The following CACNA2D4 variants were observed in gnomAD, a reference collection of about 807,000 sequenced individuals.
CACNA2D4 encodes the protein calcium voltage-gated channel auxiliary subunit alpha2delta 4.
A neutral mutation model predicts 163.8 loss-of-function variants in CACNA2D4; 157 were observed. The ratio of observed to expected loss-of-function variants is 0.96; its 90% CI spans 0.84 to 1.09. The LOEUF (loss-of-function observed/expected upper bound fraction) is 1.09. Ranked by LOEUF, CACNA2D4 falls within the 50% of genes least tolerant of loss-of-function variation. The pLI, the probability that CACNA2D4 is intolerant of heterozygous loss-of-function variation, is 0.00. For synonymous variants in CACNA2D4, 598 were observed against 586.9 expected (o/e 1.02, Z -0.27); for missense variants, 1,410 against 1,479.9 (o/e 0.95, Z 0.78).
chr12:1,862,535 C>A (rs1416514570), intron 18 of CACNA2D4, among the ~76,000 whole-genome samples: 1 of 152,130 alleles, frequency 6.6e-6, no homozygotes, highest in Admixed American at 6.5e-5. Flanking sequence ...TGCCTTAGCC[C>A]TTGAGTAGCT....
chr12:1,871,450 TG>T (rs1249414664), intron 18 of CACNA2D4, among the ~76,000 whole-genome samples: 1 of 148,362 alleles, frequency 6.7e-6, no homozygotes, highest in East Asian at 2.0e-4. Flanking sequence ...TGTATGTTGC[TG>T]GTGTGTGTGT....
chr12:1,842,808 AGAG>A (rs1420465648), intron 25 of CACNA2D4, among the ~76,000 whole-genome samples: 2 of 152,224 alleles, frequency 1.3e-5, no homozygotes, highest in Admixed American at 1.3e-4. Context: ...GTGTGGCCAC[AGAG>A]GAGGAGCTGC....
At chr12:1,805,066 T>C (rs560410272) in intron 29 of CACNA2D4, among the ~76,000 whole-genome samples, 2 of 152,250 alleles carry the variant, frequency 1.3e-5, no homozygotes, top group Middle Eastern at 3.4e-3. Flanking sequence ...ACCCAAAGCA[T>C]AGCACGATGC....
At position 1,828,148 on chromosome 12, in the gene CACNA2D4, C is replaced by A. The variant is rs1168770411; in HGVS notation, c.2551+12591G>T. Reference sequence around the variant, plus strand: ...GGGCCCGGAGAGCCGTGGGCCTCACCATGCTGGCGCCGGGCAGCAGCCCTG... The same window carrying A: ...GGGCCCGGAGAGCCGTGGGCCTCACAATGCTGGCGCCGGGCAGCAGCCCTG... On this transcript the variant is annotated intron_variant, in intron 26 of 37. Coordinates refer to ENST00000382722, the MANE Select transcript of CACNA2D4 (RefSeq NM_172364.5). This position sits in a 1 kb window ranked among gnomAD's most constrained non-coding sequence, Gnocchi z 4.2. 6.5e-7 allele frequency: 1 copy of A among 1,540,806 alleles called. No homozygotes were observed. Among genetic ancestry groups the A allele is most frequent in the South Asian group, 1.2e-5 (1 of 82,988 alleles).
Position 1,799,888 on chromosome 12 carries a change from C to A in CACNA2D4, c.2974+112G>T. 7.6e-7 allele frequency: 1 copy of A among 1,315,022 alleles called. No homozygotes were observed. The highest frequency in any genetic ancestry group is 1.1e-6 in the Non-Finnish European group (1 of 939,252). 81.5% of individuals were successfully genotyped at this position (1,315,022 alleles called of 1,614,324 possible). On this transcript the variant is annotated intron_variant, in intron 33 of 37. Transcript: ENST00000382722. This position sits in a 1 kb window ranked among gnomAD's most constrained non-coding sequence, Gnocchi z 4.7. ...GCAGGGTGAGATGTGAACAACGATGCTTCAGGGTCACCTATCCCCACTGTC... is the reference window on the plus strand; with the variant it reads ...GCAGGGTGAGATGTGAACAACGATGATTCAGGGTCACCTATCCCCACTGTC...
At chr12:1,848,778 A>ATTATTATTATTG (rs1198136647) in intron 23 of CACNA2D4, among the ~76,000 whole-genome samples, 5 of 150,392 alleles carry the variant, frequency 3.3e-5, no homozygotes, top group African/African-American at 4.9e-5. Flanking sequence ...TATTATTATT[A>ATTATTATTATTG]TTATTTTTAT....
rs116214586 is a variant in CACNA2D4, at chr12:1,856,192, G to A, written c.2046C>T (p.Ala682=). 186 of 1,613,964 alleles carry A rather than the reference G, an allele frequency of 1.2e-4. 1 individual carries two copies. In the Middle Eastern group the frequency reaches 1.3e-3, roughly 11 times the overall value. The part of the protein sequence containing the change: ...HDLLHPDLAL[A]GDWIYCITDI... ...TTTTACTCCTCACTTACCAGTCACC[G>A]GCCAGGGCCAGGTCTGGGTGAAGCA... The change falls in exon 21 of 38, where the codon GCC becomes GCT. Residue 682 remains alanine (A), a synonymous_variant. Coordinates refer to ENST00000382722, the MANE Select transcript of CACNA2D4 (RefSeq NM_172364.5).
In CACNA2D4 at chr12:1,813,783, G is replaced by C. The variant is rs114252409; in HGVS notation, c.2552-2060C>G. 1.2e-4 allele frequency among the ~76,000 whole-genome samples: 18 copies of C among 152,300 alleles called. 1 individual carries two copies. The South Asian group carries it at 3.3e-3, about 28-fold the overall frequency. On this transcript the variant is annotated intron_variant, in intron 26 of 37. Transcript: ENST00000382722. The stretch of plus-strand genomic sequence containing the variant: ...TTTGAGTTCCAGGTAGCTGAAAGGA[G>C]TGGGCTGGAAGGGGACGGGGAGACC...
intron 18 of CACNA2D4, among the ~76,000 whole-genome samples, chr12:1,861,739 G>A (rs776544218): frequency 5.3e-5 from 8 of 152,018 alleles, no homozygotes; most frequent in African/African-American, 9.7e-5. Context: ...CACCATGCTC[G>A]GCCTATCTTT....
chr12:1,805,952 G>A (rs1863522738), intron 29 of CACNA2D4, among the ~76,000 whole-genome samples: 1 of 152,236 alleles, frequency 6.6e-6, no homozygotes, highest in South Asian at 2.1e-4. Flanking sequence ...GGCCCAGAAA[G>A]GCATGCCTGA....
At position 1,844,881 on chromosome 12, in the gene CACNA2D4, A is replaced by G. The variant is rs1865109228; in HGVS notation, c.2343-352T>C. 6.6e-6 allele frequency among the ~76,000 whole-genome samples: 1 copy of G among 152,170 alleles called. No homozygotes were observed. The highest frequency in any genetic ancestry group is 1.5e-5 in the Non-Finnish European group (1 of 68,036). ...GAGGGAGGAAGCTGTAGTCAGCTCTATCACTGCACTAATAGGAGGGCATCA... is the reference window on the plus strand; with the variant it reads ...GAGGGAGGAAGCTGTAGTCAGCTCTGTCACTGCACTAATAGGAGGGCATCA... On this transcript the variant is annotated intron_variant, in intron 24 of 37. Coordinates refer to ENST00000382722, the MANE Select transcript of CACNA2D4 (RefSeq NM_172364.5). This position sits in a 1 kb window ranked among gnomAD's most constrained non-coding sequence, Gnocchi z 4.2.
intron 6 of CACNA2D4, among the ~76,000 whole-genome samples, chr12:1,896,646 C>CA (rs1205083304): frequency 6.4e-5 from 9 of 141,608 alleles, no homozygotes; most frequent in Non-Finnish European, 7.5e-5. Context: ...CACACACACA[C>CA]ACACACACAA....
At chr12:1,817,868 C>G (rs1863930890) in intron 26 of CACNA2D4, among the ~76,000 whole-genome samples, 1 of 152,008 alleles carries the variant, frequency 6.6e-6, no homozygotes, top group Non-Finnish European at 1.5e-5. Flanking sequence ...CCTTGGCCTC[C>G]CAAAGTGCCG....
chr12:1,907,845 G>A (rs746588140), intron 5 of CACNA2D4, 30 bp downstream of exon 5: 5 of 1,612,418 alleles, frequency 3.1e-6, no homozygotes, highest in Non-Finnish European at 4.2e-6. Context: ...CGTGCCTGGT[G>A]AGTGTGCCTG....
In CACNA2D4 at chr12:1,878,575, G is replaced by A. The variant is rs1865928711; in HGVS notation, c.1645-186C>T. The A allele has an allele frequency of 6.3e-6, 7 of 1,106,478 alleles. No homozygotes were observed. The highest frequency in any genetic ancestry group is 4.0e-5 in the Admixed American group (2 of 49,952). The allele number at this position is 1,106,478 out of a possible 1,614,324, so 68.5% of individuals were successfully genotyped here. A position where few individuals can be genotyped will look rare whatever the true frequency, so the allele number is the denominator to read the frequency against. On this transcript the variant is annotated intron_variant, in intron 15 of 37. Coordinates refer to ENST00000382722, the MANE Select transcript of CACNA2D4 (RefSeq NM_172364.5). This position sits in a 1 kb window ranked among gnomAD's most constrained non-coding sequence, Gnocchi z 4.6. Reference sequence around the variant, plus strand: ...TTGATTGAGGAGTCCTTTCCAAACCGGACTGTTTATAGCAACCGTCATCAT... The same window carrying A: ...TTGATTGAGGAGTCCTTTCCAAACCAGACTGTTTATAGCAACCGTCATCAT...
At chr12:1,901,348 A>T (rs759230457) in intron 6 of CACNA2D4, among the ~76,000 whole-genome samples, 2 of 152,072 alleles carry the variant, frequency 1.3e-5, no homozygotes, top group Non-Finnish European at 2.9e-5. Context: ...AATAAAGATC[A>T]AACAGAAATA....
Position 1,840,816 on chromosome 12 carries a change from C to T in CACNA2D4, c.2474G>A (p.Ser825Asn), listed in dbSNP as rs1228284398. The T allele has an allele frequency of 3.1e-6, 5 of 1,603,846 alleles. No individual in the cohort carries two copies. In the African/African-American group the frequency reaches 5.6e-5, roughly 18 times the overall value. The stretch of plus-strand genomic sequence containing the variant: ...CGTCACCACCATGGGTTCACCCGCA[C>T]TTTCTGGGGAAACAGAGACAACCCA... ...FNLRWAEGPE[S>N]AGEPMVVTAS... The change falls in exon 26 of 38, where the codon AGT becomes AAT. Residue 825 changes from serine to asparagine, a missense_variant. Physicochemically the swap from Ser to Asn is conservative, Grantham distance 46 (BLOSUM62 1). Transcript: ENST00000382722.
rs142134545 is a variant in CACNA2D4 at position 1,834,565 on chromosome 12, C to T, written c.2551+6174G>A. 5.3e-4 allele frequency: 854 copies of T among 1,601,854 alleles called. 4 individuals are homozygous for T. The African/African-American group carries it at 0.01, about 19-fold the overall frequency. On this transcript the variant is annotated intron_variant, in intron 26 of 37. Coordinates refer to ENST00000382722, the MANE Select transcript of CACNA2D4 (RefSeq NM_172364.5). This position sits in a 1 kb window ranked among gnomAD's most constrained non-coding sequence, Gnocchi z 7.6. ...TGATCATTGCAGGGGTCGTGTGCGG[C>T]GTCGTCTGCATCATGATGGTGGTGG...
chr12:1,886,471 C>T (rs941532330), intron 7 of CACNA2D4, 98 bp from the exon 8 acceptor site: 114 of 1,151,736 alleles, frequency 9.9e-5, no homozygotes, highest in East Asian at 1.3e-4. Context: ...GATGCTGGCT[C>T]GAGCCCACCC....
Sources: gnomAD v4.1 joint callset for allele counts (sites outside exome capture counted in the v4.1 genomes callset) on GRCh38, gnomAD v4.1.1 for gene constraint, Gnocchi (gnomAD v3.1) non-coding constraint, MANE v1.5 for transcripts, NCBI Gene and HGNC (gene_info 2026-07-23, HGNC 2026-07-21) for gene names.